Variants in KRT4 observed in about 807,000 individuals in gnomAD.
KRT4 encodes the protein keratin 4, also known as keratin, type II cytoskeletal 4.
A neutral mutation model predicts 50.6 loss-of-function variants in KRT4; 47 were observed. That is an observed-to-expected ratio of 0.93 (90% confidence interval 0.73 to 1.18). The LOEUF (loss-of-function observed/expected upper bound fraction) is 1.18, where lower values mean the gene tolerates loss of function less well. KRT4 is among the 50% of genes most tolerant of loss of function. The pLI is 0.00. For synonymous variants in KRT4, 254 were observed against 251.2 expected (o/e 1.01, Z -0.10); for missense variants, 651 against 645.7 (o/e 1.01, Z -0.09).
At position 52,813,736 on chromosome 12, in the gene KRT4, C is replaced by A; in HGVS notation, c.323G>T (p.Gly108Val). 1.2e-6 allele frequency: 2 copies of A among 1,614,220 alleles called. No individual in the cohort carries two copies. The highest frequency in any genetic ancestry group is 8.5e-7 in the Non-Finnish European group (1 of 1,180,004). Residue 108 changes from glycine (G) to valine (V), a missense_variant, in exon 1 of 9, where the codon GGA (glycine) becomes GTA (valine). Gly to Val is a moderately radical substitution (Grantham distance 109). Transcript: ENST00000551956. ...CTGGTTGATGGTGACCTCCTGAATT[C>A]CCCCAGCGGGGCAGACGGGGAAGCC... ...GPGFPVCPAG[G>V]IQEVTINQSL... is the part of the protein sequence containing the mutation.
In KRT4 at chr12:52,811,530, A is replaced by G. The variant is rs1017097574; in HGVS notation, c.677+233T>C. 39 of 553,224 alleles carry G rather than the reference A, an allele frequency of 7.0e-5. No individual in the cohort carries two copies. In the Admixed American group the frequency reaches 7.1e-4, roughly 10 times the overall value. 34.3% of individuals were successfully genotyped at this position (553,224 alleles called of 1,614,324 possible). ...CTATTTGGGTTCTGATCTTGTTCGT[A>G]TATGGCAGACCCAAATCCCTGAATC... On this transcript the variant is annotated intron_variant, in intron 2 of 8. Coordinates refer to ENST00000551956, the MANE Select transcript of KRT4 (RefSeq NM_002272.4).
chr12:52,813,696 G>A lies in KRT4; in HGVS notation c.363C>T (p.Pro121=), dbSNP rs778125129. The stretch of plus-strand genomic sequence containing the variant: ...TCTCAGGGTCAATCTCCACGTGGAG[G>A]GGGGTGAGCAAGCTCTGGTTGATGG... ...EVTINQSLLT[P]LHVEIDPEIQ... The change falls in exon 1 of 9, where the codon CCC becomes CCT. Residue 121 remains proline, a synonymous_variant. Transcript: ENST00000551956. 5.5e-6 allele frequency: 8 copies of A among 1,447,372 alleles called. No individual in the cohort carries two copies. The highest frequency in any genetic ancestry group is 2.0e-5 in the Admixed American group (1 of 49,200). The allele number at this position is 1,447,372 out of a possible 1,614,324, so 89.7% of individuals were successfully genotyped here.
At chr12:52,811,649 C>T (rs191906936) in intron 2 of KRT4, 114 bp downstream of exon 2, 21 of 833,246 alleles carry the variant, frequency 2.5e-5, no homozygotes, top group Non-Finnish European at 3.7e-5. Flanking sequence ...GACTAGAGGG[C>T]CTTCCTAGAC....
In KRT4 at chr12:52,806,590, G is replaced by T. The variant is rs1939800116; in HGVS notation, c.*479C>A. 4.8e-6 allele frequency: 1 copy of T among 208,068 alleles called. No individual in the cohort carries two copies. 12.9% of individuals were successfully genotyped at this position (208,068 alleles called of 1,614,324 possible). A position where few individuals can be genotyped will look rare whatever the true frequency, so the allele number is the denominator to read the frequency against. ...TTTATTGAAGATTCACCTGCAGATG[G>T]ATAAGAGGGAATGAGAGGAGTAGAA... On this transcript the variant is annotated 3_prime_UTR_variant, in exon 9 of 9. Transcript: ENST00000551956.
At chr12:52,809,156 C>A in intron 4 of KRT4, 1 of 629,404 alleles carries the variant, frequency 1.6e-6, no homozygotes. Flanking sequence ...CTATTCCAAG[C>A]ACTCTTTAGA....
chr12:52,813,746 G>A lies in KRT4; in HGVS notation c.313C>T (p.Pro105Ser), dbSNP rs1440646814. 5 of 1,024,494 alleles carry A rather than the reference G, an allele frequency of 4.9e-6. No homozygotes were observed. The highest frequency in any genetic ancestry group is 5.9e-6 in the Non-Finnish European group (5 of 852,962). The allele number at this position is 1,024,494 out of a possible 1,614,324, so 63.5% of individuals were successfully genotyped here. A position where few individuals can be genotyped will look rare whatever the true frequency, so the allele number is the denominator to read the frequency against. Residue 105 changes from proline to serine, a missense_variant, in exon 1 of 9, where the codon CCC (proline) becomes TCC (serine). Coordinates refer to ENST00000551956, the MANE Select transcript of KRT4 (RefSeq NM_002272.4). ...GTGACCTCCTGAATTCCCCCAGCGG[G>A]GCAGACGGGGAAGCCAGGGCCACCC... ...GKGGPGFPVC[P>S]AGGIQEVTIN...
chr12:52,808,008 T>A (rs1400255106), intron 6 of KRT4, 144 bp from the exon 7 acceptor site: 2 of 808,906 alleles, frequency 2.5e-6, no homozygotes, highest in African/African-American at 1.7e-5. Context: ...GACTTATGCA[T>A]CTCATTCACT....
At chr12:52,808,523 C>T (rs1939847887) in intron 5 of KRT4, 104 bp from the exon 6 acceptor site, 1 of 1,555,164 alleles carries the variant, frequency 6.4e-7, no homozygotes, top group South Asian at 1.1e-5. Flanking sequence ...AAGAATAGCA[C>T]CAAATGTCAA....
chr12:52,808,184 G>T (rs1179628040), intron 6 of KRT4, 110 bp downstream of exon 6: 2 of 1,416,030 alleles, frequency 1.4e-6, no homozygotes, highest in East Asian at 4.6e-5. Context: ...TGAATTCCCA[G>T]CAACAAGCTC....
Position 52,808,195 on chromosome 12 carries a change from AG to A in KRT4, c.1125+98del, listed in dbSNP as rs978612681. 134 of 1,469,184 alleles carry A rather than the reference AG, an allele frequency of 9.1e-5. 1 individual carries two copies. In the Middle Eastern group the frequency reaches 1.5e-3, roughly 17 times the overall value. The allele number at this position is 1,469,184 out of a possible 1,614,324, so 91.0% of individuals were successfully genotyped here. A position where few individuals can be genotyped will look rare whatever the true frequency, so the allele number is the denominator to read the frequency against. Reference sequence around the variant, plus strand: ...GCTATGAATTCCCAGCAACAAGCTCAGGGTCTTCTGGCCTGATGCTTTATCT... The same window carrying A: ...GCTATGAATTCCCAGCAACAAGCTCAGGTCTTCTGGCCTGATGCTTTATCT... On this transcript the variant is annotated intron_variant, in intron 6 of 8. Transcript: ENST00000551956.
chr12:52,813,717 G>C lies in KRT4; in HGVS notation c.342C>G (p.Ile114Met), dbSNP rs1346854302. ...GGAGGGGGGTGAGCAAGCTCTGGTT[G>C]ATGGTGACCTCCTGAATTCCCCCAG... is the stretch of plus-strand genomic sequence containing the variant. Reference protein sequence around the residue: ...CPAGGIQEVTINQSLLTPLHV... With the variant: ...CPAGGIQEVTMNQSLLTPLHV... Residue 114 changes from isoleucine to methionine, a missense_variant, in exon 1 of 9, where the codon ATC (isoleucine) becomes ATG (methionine). Ile to Met is a conservative substitution (Grantham distance 10). Coordinates refer to ENST00000551956, the MANE Select transcript of KRT4 (RefSeq NM_002272.4). The C allele has an allele frequency of 6.2e-7, 1 of 1,614,014 alleles. No individual in the cohort carries two copies. Among genetic ancestry groups the C allele is most frequent in the South Asian group, 1.1e-5 (1 of 91,092 alleles).
chr12:52,812,782 C>G (rs1939934866), intron 1 of KRT4, among the ~76,000 whole-genome samples: 1 of 152,212 alleles, frequency 6.6e-6, no homozygotes, highest in South Asian at 2.1e-4. Flanking sequence ...TTCAAACTAG[C>G]AAGAAGAACA....
intron 2 of KRT4, 64 bp downstream of exon 2, chr12:52,811,699 C>G: frequency 7.3e-7 from 1 of 1,370,618 alleles, no homozygotes; most frequent in Non-Finnish European, 1.0e-6. Context: ...GGAGAGAGCC[C>G]CGGGAGCCTG....
chr12:52,813,880 C>A lies in KRT4; in HGVS notation c.179G>T (p.Ser60Ile), dbSNP rs1416524668. ...TGACCCAGCCACACTCATGGAGATG[C>A]TTTTGTTCCCCCTGAGGTTGTAGAG... ...RSLYNLRGNK[S>I]ISMSVAGSRQ... The change falls in exon 1 of 9, where the codon AGC becomes ATC. Residue 60 changes from serine (S) to isoleucine (I), a missense_variant. By Grantham distance (142) the Ser-to-Ile change is moderately radical. Coordinates refer to ENST00000551956, the MANE Select transcript of KRT4 (RefSeq NM_002272.4). The A allele has an allele frequency of 1.1e-5, 12 of 1,094,622 alleles. No individual in the cohort carries two copies. The highest frequency in any genetic ancestry group is 1.2e-5 in the Non-Finnish European group (11 of 899,386). The allele number at this position is 1,094,622 out of a possible 1,614,324, so 67.8% of individuals were successfully genotyped here. A position where few individuals can be genotyped will look rare whatever the true frequency, so the allele number is the denominator to read the frequency against.
Position 52,806,788 on chromosome 12 carries a change from T to G in KRT4, c.*281A>C. On this transcript the variant is annotated 3_prime_UTR_variant, in exon 9 of 9. Coordinates refer to ENST00000551956, the MANE Select transcript of KRT4 (RefSeq NM_002272.4). ...ATTCTGGAGATGACACTCCTGGTCA[T>G]TTTCTTCTCTGTCCATGGGAGGTGA... 2.0e-6 allele frequency: 1 copy of G among 512,292 alleles called. No individual in the cohort carries two copies. The highest frequency in any genetic ancestry group is 3.6e-6 in the Non-Finnish European group (1 of 281,634). 31.7% of individuals were successfully genotyped at this position (512,292 alleles called of 1,614,324 possible). A position where few individuals can be genotyped will look rare whatever the true frequency, so the allele number is the denominator to read the frequency against.
At chr12:52,810,070 A>C (rs554871424) in intron 3 of KRT4, among the ~76,000 whole-genome samples, 74 of 152,078 alleles carry the variant, frequency 4.9e-4, no homozygotes, top group African/African-American at 1.7e-3. Flanking sequence ...ATGTGGACAT[A>C]GAGCATGGAA....
intron 2 of KRT4, 94 bp from the exon 3 acceptor site, chr12:52,810,910 A>ATTTG: frequency 3.0e-6 from 3 of 1,000,776 alleles, no homozygotes; most frequent in Non-Finnish European, 4.8e-6. Context: ...TTCCAAACAA[A>ATTTG]TTTGGAAATA....
chr12:52,814,034 G>C lies in KRT4; in HGVS notation c.25C>G (p.Arg9Gly), dbSNP rs886049646. 5.6e-6 allele frequency: 9 copies of C among 1,613,836 alleles called. No homozygotes were observed. Among genetic ancestry groups the C allele is most frequent in the South Asian group, 1.1e-5 (1 of 91,074 alleles). Residue 9 changes from arginine to glycine, a missense_variant, in exon 1 of 9, where the codon CGA (arginine) becomes GGA (glycine). Coordinates refer to ENST00000551956, the MANE Select transcript of KRT4 (RefSeq NM_002272.4). MIARQQCV[R>G]GGPRGFSCGS... is the part of the protein sequence containing the mutation. Reference sequence around the variant, plus strand: ...CAGCTGAAGCCCCGGGGCCCGCCTCGGACACACTGCTGTCTGGCAATCATG... The same window carrying C: ...CAGCTGAAGCCCCGGGGCCCGCCTCCGACACACTGCTGTCTGGCAATCATG...
rs1319129557 is a variant in KRT4, at chr12:52,808,836, C to T, written c.849G>A (p.Met283Ile). The T allele has an allele frequency of 2.5e-6, 4 of 1,614,146 alleles. No individual in the cohort carries two copies. The highest frequency in any genetic ancestry group is 3.4e-6 in the Non-Finnish European group (4 of 1,179,982). ...CGGACGTGTCGCTGACATGGGTCTG[C>T]ATCTGGGACAGCTCCTGCAGGGCAA... The part of the protein sequence containing the change: ...KVLYDAELSQ[M>I]QTHVSDTSVV... The change falls in exon 5 of 9, where the codon ATG becomes ATA. Residue 283 changes from methionine (M) to isoleucine (I), a missense_variant. Met to Ile is a conservative substitution (Grantham distance 10). Coordinates refer to ENST00000551956, the MANE Select transcript of KRT4 (RefSeq NM_002272.4).
Sources: allele counts gnomAD v4.1 joint callset (sites outside exome capture counted in the v4.1 genomes callset), GRCh38; gene constraint gnomAD v4.1.1; transcripts MANE v1.5; gene names NCBI Gene and HGNC (gene_info 2026-07-23, HGNC 2026-07-21).